GNS: variants seen among roughly 807,000 people sequenced by gnomAD.
The protein encoded by GNS is glucosamine (N-acetyl)-6-sulfatase.
In GNS, 40 loss-of-function variants were observed where a neutral mutation model predicts 69.7. That is an observed-to-expected ratio of 0.57 (90% CI 0.45 to 0.75). GNS has a LOEUF of 0.75. GNS is among the 30% of genes least tolerant of loss of function. The probability of loss-of-function intolerance (pLI) is 0.00; values close to 1 mark genes in which losing one functional copy is unlikely to be tolerated. For synonymous variants in GNS, 243 were observed against 251.6 expected, an observed-to-expected ratio of 0.97 and a Z score of 0.32; for missense variants, 565 against 685.5, an observed-to-expected ratio of 0.82 and a Z score of 1.96.
intron 8 of GNS, among the ~76,000 whole-genome samples, chr12:64,737,528 T>C (rs1345376151): frequency 6.6e-6 from 1 of 152,196 alleles, no homozygotes; most frequent in African/African-American, 2.4e-5. Flanking sequence ...AAGGGGAAGT[T>C]CTTCTCTGAG....
At chr12:64,743,333 C>T in intron 5 of GNS, 25 bp from the exon 6 acceptor site, 1 of 1,557,790 alleles carries the variant, frequency 6.4e-7, no homozygotes, top group Non-Finnish European at 8.9e-7. Context: ...GATTTGTCAT[C>T]TCCTACCTTA....
At chr12:64,719,793 G>T (rs1434726522) in intron 13 of GNS, among the ~76,000 whole-genome samples, 2 of 152,146 alleles carry the variant, frequency 1.3e-5, no homozygotes, top group Non-Finnish European at 2.9e-5. Context: ...CCCCATGTTT[G>T]GTGGGGAGCA....
Position 64,716,048 on chromosome 12 carries a change from C to T in GNS, c.*693G>A, listed in dbSNP as rs929090925. On this transcript the variant is annotated 3_prime_UTR_variant, in exon 14 of 14. Transcript: ENST00000258145. ...AGTAGATGGCTATCACCTTCAAGAG[C>T]TACCTGGAATTGGCCTTTATCACAA... is the stretch of plus-strand genomic sequence containing the variant. The T allele has an allele frequency of 1.3e-5, 2 of 154,326 alleles. No homozygotes were observed. The highest frequency in any genetic ancestry group is 2.9e-5 in the Non-Finnish European group (2 of 69,346). 9.6% of individuals were successfully genotyped at this position (154,326 alleles called of 1,614,324 possible). A position where few individuals can be genotyped will look rare whatever the true frequency, so the allele number is the denominator to read the frequency against.
chr12:64,744,694 G>A (rs1869845333), intron 5 of GNS, 115 bp downstream of exon 5: 2 of 718,014 alleles, frequency 2.8e-6, no homozygotes, highest in Non-Finnish European at 5.2e-6. Flanking sequence ...CCAAGTTACT[G>A]TGCATTTATA....
chr12:64,740,663 G>T lies in GNS; in HGVS notation c.818C>A (p.Ala273Asp). The stretch of plus-strand genomic sequence containing the variant: ...TGAAGAATTAGTCATTGGAGTCTTG[G>T]CTTGCCTAATTAACCAGTGCTTGTT... Reference protein sequence around the residue: ...GTNKHWLIRQAKTPMTNSSIQ... With the variant: ...GTNKHWLIRQDKTPMTNSSIQ... The change falls in exon 7 of 14, where the codon GCC (alanine) becomes GAC (aspartate). Residue 273 changes from alanine to aspartate, a missense_variant. Physicochemically the swap from Ala to Asp is moderately radical, Grantham distance 126. Around this residue, in one of 2 missense-constraint regions of GNS, gnomAD observed 384 missense variants for 511.0 expected, o/e 0.75. Transcript: ENST00000258145. 6.3e-7 allele frequency: 1 copy of T among 1,584,996 alleles called. No homozygotes were observed. Among genetic ancestry groups the T allele is most frequent in the Non-Finnish European group, 8.7e-7 (1 of 1,153,760 alleles).
intron 2 of GNS, among the ~76,000 whole-genome samples, chr12:64,749,547 T>C (rs568603259): frequency 6.6e-6 from 1 of 152,304 alleles, no homozygotes; most frequent in Non-Finnish European, 1.5e-5. Context: ...CCACCGTGTC[T>C]AGCCGATTTG....
Position 64,716,813 on chromosome 12 carries a change from C to A in GNS, c.1587G>T (p.Arg529Ser). 2 of 1,609,838 alleles carry A rather than the reference C, an allele frequency of 1.2e-6. No individual in the cohort carries two copies. Residue 529 changes from arginine to serine, a missense_variant, in exon 14 of 14, where the codon AGG becomes AGT. This residue lies in a region of GNS where 384 missense variants were observed against 511.0 expected (regional missense o/e 0.75). Coordinates refer to ENST00000258145, the MANE Select transcript of GNS (RefSeq NM_002076.4). ...RTPGVFDPGY[R>S]FDPRLMFSNR... ...TGCTGAACATGAGACGGGGGTCAAACCTGTATCTGGGGAGGAAAAACCAAA... is the reference window on the plus strand; with the variant it reads ...TGCTGAACATGAGACGGGGGTCAAAACTGTATCTGGGGAGGAAAAACCAAA...
In GNS at chr12:64,746,004, A is replaced by G. The variant is rs184362133; in HGVS notation, c.460-280T>C. On this transcript the variant is annotated intron_variant, in intron 3 of 13. Transcript: ENST00000258145. ...TTTTAAAATATAAAAGTTAATCAAA[A>G]TAAGAATATTTTGTGAAATGTGACA... 616 of 488,526 alleles carry G rather than the reference A, an allele frequency of 1.3e-3. 2 individuals carry two copies. The highest frequency in any genetic ancestry group is 0.011 in the African/African-American group (572 of 51,918). 30.3% of individuals were successfully genotyped at this position (488,526 alleles called of 1,614,324 possible).
At position 64,759,133 on chromosome 12, in the gene GNS, G is replaced by A. The variant is rs2136259327; in HGVS notation, c.144C>T (p.Asn48=). The part of the protein sequence containing the change: ...FGVAAGTRRP[N]VVLLLTDDQD... ...GGTCGTCCGTGAGGAGCAGCACCAC[G>A]TTGGGCCTCCGGGTTCCCGCAGCCA... The change falls in exon 1 of 14, where the codon AAC becomes AAT. Residue 48 remains asparagine (N), a synonymous_variant. Coordinates refer to ENST00000258145, the MANE Select transcript of GNS (RefSeq NM_002076.4). 1.3e-6 allele frequency: 2 copies of A among 1,561,926 alleles called. No individual in the cohort carries two copies. Among genetic ancestry groups the A allele is most frequent in the Non-Finnish European group, 1.7e-6 (2 of 1,153,304 alleles).
At chr12:64,723,927 A>G (rs1869111570) in intron 10 of GNS, among the ~76,000 whole-genome samples, 1 of 152,210 alleles carries the variant, frequency 6.6e-6, no homozygotes, top group Admixed American at 6.5e-5. Context: ...ATGGGAAATC[A>G]TAGGAGGTTT....
At position 64,716,073 on chromosome 12, in the gene GNS, A is replaced by C. The variant is rs900263686; in HGVS notation, c.*668T>G. On this transcript the variant is annotated 3_prime_UTR_variant, in exon 14 of 14. Transcript: ENST00000258145. ...CTACCTGGAATTGGCCTTTATCACA[A>C]GCTTACTGCTCTATTTCAGTGCAGC... The C allele has an allele frequency of 1.3e-5, 2 of 154,766 alleles. No individual in the cohort carries two copies. Among genetic ancestry groups the C allele is most frequent in the Admixed American group, 6.3e-5 (1 of 15,902 alleles). 9.6% of individuals were successfully genotyped at this position (154,766 alleles called of 1,614,324 possible). A position where few individuals can be genotyped will look rare whatever the true frequency, so the allele number is the denominator to read the frequency against.
At chr12:64,756,128 A>G (rs1870243697) in intron 1 of GNS, among the ~76,000 whole-genome samples, 1 of 152,250 alleles carries the variant, frequency 6.6e-6, no homozygotes, top group African/African-American at 2.4e-5. Context: ...AAATACAATG[A>G]AATGTTAAAG....
intron 9 of GNS, among the ~76,000 whole-genome samples, chr12:64,736,523 G>A: frequency 6.6e-6 from 1 of 152,216 alleles, no homozygotes; most frequent in East Asian, 1.9e-4. Context: ...AAAAGCCTGA[G>A]GGGCTCTGCT....
At chr12:64,722,020 ACTC>A (rs1869044374) in intron 11 of GNS, among the ~76,000 whole-genome samples, 1 of 147,582 alleles carries the variant, frequency 6.8e-6, no homozygotes. Context: ...AACTCAAATG[ACTC>A]CTTTCTTTTT....
chr12:64,754,432 G>A (rs1367386962), intron 1 of GNS, among the ~76,000 whole-genome samples: 1 of 152,134 alleles, frequency 6.6e-6, no homozygotes, highest in Admixed American at 6.6e-5. Flanking sequence ...TTCAGGCTGG[G>A]TATATAGCAA....
At chr12:64,717,876 TC>T (rs1199267360) in intron 13 of GNS, among the ~76,000 whole-genome samples, 1 of 152,206 alleles carries the variant, frequency 6.6e-6, no homozygotes, top group Non-Finnish European at 1.5e-5. Context: ...GCTTCACGCA[TC>T]CACTGTGGGT....
At chr12:64,745,991 A>G in intron 3 of GNS, 1 of 508,066 alleles carries the variant, frequency 2.0e-6, no homozygotes, top group Non-Finnish European at 3.5e-6. Context: ...TTAAAATATA[A>G]AAGTTAATCA....
At chr12:64,718,594 C>G (rs1190901669) in intron 13 of GNS, among the ~76,000 whole-genome samples, 1 of 152,230 alleles carries the variant, frequency 6.6e-6, no homozygotes, top group African/African-American at 2.4e-5. Flanking sequence ...CTCCATCTAC[C>G]TTGCATTGGC....
chr12:64,754,209 T>C (rs75406340), intron 1 of GNS, among the ~76,000 whole-genome samples: 3,784 of 152,262 alleles, frequency 0.025, 141 homozygotes, highest in African/African-American at 0.087. Flanking sequence ...CTCTGCACTC[T>C]TGGGGACTTA....
Sources: allele counts gnomAD v4.1 joint callset (sites outside exome capture counted in the v4.1 genomes callset), GRCh38; gene constraint gnomAD v4.1.1; regional missense constraint gnomAD v4.1.1; transcripts MANE v1.5; gene names NCBI Gene and HGNC (gene_info 2026-07-23, HGNC 2026-07-21).